PUS1: variants seen among roughly 807,000 people sequenced by gnomAD.
PUS1 encodes the protein pseudouridine synthase 1.
In PUS1, 25 loss-of-function variants were observed where a neutral mutation model predicts 38.5. The ratio of observed to expected loss-of-function variants is 0.65; its 90% CI spans 0.47 to 0.91. The LOEUF (loss-of-function observed/expected upper bound fraction) is 0.91, where lower values mean the gene tolerates loss of function less well. Ranked by LOEUF, PUS1 falls within the 40% of genes least tolerant of loss-of-function variation. PUS1 has a pLI of 0.00. For synonymous variants in PUS1, 282 were observed against 260.4 expected, an observed-to-expected ratio of 1.08 and a Z score of -0.80; for missense variants, 597 against 612.3, an observed-to-expected ratio of 0.97 and a Z score of 0.26.
intron 1 of PUS1, 37 bp downstream of exon 1, chr12:131,929,833 G>GGCCC: frequency 4.7e-6 from 4 of 853,644 alleles, no homozygotes; most frequent in Non-Finnish European, 6.8e-6. Context: ...CGCTATGCCC[G>GGCCC]CCCAGCCCAG....
rs1410743368 is a variant in PUS1, at chr12:131,941,139, G to A, written c.545-153G>A. 1.2e-5 allele frequency: 8 copies of A among 674,700 alleles called. No homozygotes were observed. The highest frequency in any genetic ancestry group is 2.1e-5 in the Non-Finnish European group (8 of 378,452). The allele number at this position is 674,700 out of a possible 1,614,324, so 41.8% of individuals were successfully genotyped here. A position where few individuals can be genotyped will look rare whatever the true frequency, so the allele number is the denominator to read the frequency against. ...CTCCTGTGCCTGTTCCCCAGCCTGT[G>A]GCTGCCCCCTCCCCAGAGAAGCCGA... On this transcript the variant is annotated intron_variant, in intron 4 of 5. Coordinates refer to ENST00000376649, the MANE Select transcript of PUS1 (RefSeq NM_025215.6). The surrounding 1 kb of genome is among the most constrained non-coding windows in gnomAD (Gnocchi z 4.4).
chr12:131,938,716 CTT>C lies in PUS1; in HGVS notation c.442-440_442-439del, dbSNP rs11289903. ...ATCTTTGGGAGTCATATTTTCATAT[CTT>C]TTTTTTTTTTTTTTTTCCTTTGAGG... On this transcript the variant is annotated intron_variant, in intron 3 of 5. Transcript: ENST00000376649. 9.9e-3 allele frequency among the ~76,000 whole-genome samples: 1,167 copies of C among 117,988 alleles called. 5 individuals are homozygous for C. Among genetic ancestry groups the C allele is most frequent in the Non-Finnish European group, 0.015 (845 of 57,816 alleles). 77.4% of individuals were successfully genotyped at this position (117,988 alleles called of 152,430 possible). A position where few individuals can be genotyped will look rare whatever the true frequency, so the allele number is the denominator to read the frequency against.
In PUS1 at chr12:131,941,991, C is replaced by T. The variant is rs746335112; in HGVS notation, c.1236+8C>T. ...GGTGGCACGGGCGCCAAGGTAGGGG[C>T]ACAGTCCCAGCAGTGCTCAGCAGAA... On this transcript the variant is annotated splice_region_variant and intron_variant, in intron 5 of 5. Transcript: ENST00000376649. This position sits in a 1 kb window ranked among gnomAD's most constrained non-coding sequence, Gnocchi z 4.4. The T allele has an allele frequency of 1.2e-6, 2 of 1,609,092 alleles. No individual in the cohort carries two copies. Among genetic ancestry groups the T allele is most frequent in the East Asian group, 4.5e-5 (2 of 44,628 alleles).
intron 3 of PUS1, among the ~76,000 whole-genome samples, chr12:131,937,178 G>A (rs181571569): frequency 2.1e-4 from 32 of 150,476 alleles, no homozygotes; most frequent in African/African-American, 7.8e-4. Context: ...CATCTCAACA[G>A]TTTATTTTAC....
chr12:131,943,426 G>T, intron 5 of PUS1, 113 bp from the exon 6 acceptor site: 2 of 845,762 alleles, frequency 2.4e-6, no homozygotes. Flanking sequence ...CTCCTGATGA[G>T]GGAGTGGTGG....
Position 131,941,259 on chromosome 12 carries a change from T to C in PUS1, c.545-33T>C, listed in dbSNP as rs752539941. On this transcript the variant is annotated intron_variant, in intron 4 of 5. Coordinates refer to ENST00000376649, the MANE Select transcript of PUS1 (RefSeq NM_025215.6). This position sits in a 1 kb window ranked among gnomAD's most constrained non-coding sequence, Gnocchi z 4.4. Reference sequence around the variant, plus strand: ...CCTGGTCATCCAGGCACTTCTCACCTGCCTTTCTCCTCCCTGACCACCTCC... The same window carrying C: ...CCTGGTCATCCAGGCACTTCTCACCCGCCTTTCTCCTCCCTGACCACCTCC... The C allele has an allele frequency of 2.5e-6, 4 of 1,597,630 alleles. No individual in the cohort carries two copies. In the Admixed American group the frequency reaches 5.0e-5, roughly 20 times the overall value.
chr12:131,930,053 A>ACGAGGAGCGGCG lies in PUS1; in HGVS notation c.226_237dup (p.Glu76_Glu79dup). Reference sequence around the variant, plus strand: ...GCGAAGAAGCTCAAGAGCGGTGGCGACGAGGAGCGGCGCGAGAAGCCGCCC... The same window carrying ACGAGGAGCGGCG: ...GCGAAGAAGCTCAAGAGCGGTGGCGACGAGGAGCGGCGCGAGGAGCGGCGCGAGAAGCCGCCC... On this transcript the variant is annotated inframe_insertion, in exon 2 of 6. Transcript: ENST00000376649. The ACGAGGAGCGGCG allele has an allele frequency of 2.8e-6, 4 of 1,446,144 alleles. No homozygotes were observed. Among genetic ancestry groups the ACGAGGAGCGGCG allele is most frequent in the Non-Finnish European group, 3.6e-6 (4 of 1,100,270 alleles). The allele number at this position is 1,446,144 out of a possible 1,614,324, so 89.6% of individuals were successfully genotyped here.
intron 1 of PUS1, 52 bp downstream of exon 1, chr12:131,929,848 C>T (rs757359685): frequency 1.4e-6 from 2 of 1,480,284 alleles, no homozygotes; most frequent in Non-Finnish European, 1.8e-6. Flanking sequence ...GCCCAGCCCA[C>T]CCCAGTCCAC....
In PUS1 at chr12:131,932,322, G is replaced by A. The variant is rs935218287; in HGVS notation, c.441+10G>A. 5.0e-6 allele frequency: 8 copies of A among 1,612,764 alleles called. No individual in the cohort carries two copies. The highest frequency in any genetic ancestry group is 5.9e-6 in the Non-Finnish European group (7 of 1,179,952). On this transcript the variant is annotated intron_variant, in intron 3 of 5. Transcript: ENST00000376649. Reference sequence around the variant, plus strand: ...CGCCCGGACAGACAAGGTGGGTGGTGGCCTTCTCTGCCCCTCCCCCGCTGC... The same window carrying A: ...CGCCCGGACAGACAAGGTGGGTGGTAGCCTTCTCTGCCCCTCCCCCGCTGC...
chr12:131,944,184 T>C lies in PUS1; in HGVS notation c.*598T>C, dbSNP rs576589957. The C allele has an allele frequency of 2.3e-3, 359 of 152,780 alleles. 1 individual carries two copies. The highest frequency in any genetic ancestry group is 4.2e-3 in the Non-Finnish European group (293 of 69,082). 9.5% of individuals were successfully genotyped at this position (152,780 alleles called of 1,614,324 possible). ...TCTGGAGAAGTCGAGGCTGCCCTGA[T>C]TGCCACTGCACTCAAAAAAAAAAAA... is the stretch of plus-strand genomic sequence containing the variant. On this transcript the variant is annotated 3_prime_UTR_variant, in exon 6 of 6. Transcript: ENST00000376649.
Position 131,932,865 on chromosome 12 carries a change from T to G in PUS1, c.441+553T>G, listed in dbSNP as rs111593623. 1,114 of 449,646 alleles carry G rather than the reference T, an allele frequency of 2.5e-3. 13 individuals carry two copies. Among genetic ancestry groups the G allele is most frequent in the African/African-American group, 0.019 (950 of 49,774 alleles). The allele number at this position is 449,646 out of a possible 1,614,324, so 27.9% of individuals were successfully genotyped here. A position where few individuals can be genotyped will look rare whatever the true frequency, so the allele number is the denominator to read the frequency against. ...GTATTAGTCTGTTGTCACACTGTTA[T>G]AAAGAACTGCTCAAGATTGGGCAGT... On this transcript the variant is annotated intron_variant, in intron 3 of 5. Coordinates refer to ENST00000376649, the MANE Select transcript of PUS1 (RefSeq NM_025215.6).
chr12:131,942,386 C>T (rs1891115250), intron 5 of PUS1, among the ~76,000 whole-genome samples: 1 of 151,384 alleles, frequency 6.6e-6, no homozygotes, highest in South Asian at 2.1e-4. Flanking sequence ...GAGATGTCCC[C>T]AAAGCCCGAG....
At chr12:131,940,946 A>C in intron 4 of PUS1, 1 of 299,346 alleles carries the variant, frequency 3.3e-6, no homozygotes, top group Non-Finnish European at 6.4e-6. Context: ...CCAGTCATGT[A>C]TAAAGATCAA....
At chr12:131,934,190 C>T (rs541821710) in intron 3 of PUS1, among the ~76,000 whole-genome samples, 9 of 152,306 alleles carry the variant, frequency 5.9e-5, no homozygotes, top group African/African-American at 2.4e-5. Context: ...GGACAAGGAG[C>T]GTGACCGTTG....
chr12:131,929,542 G>A lies in PUS1; in HGVS notation c.-181G>A. 1 of 532,650 alleles carries A rather than the reference G, an allele frequency of 1.9e-6. No homozygotes were observed. The highest frequency in any genetic ancestry group is 2.6e-5 in the South Asian group (1 of 38,538). The allele number at this position is 532,650 out of a possible 1,614,324, so 33.0% of individuals were successfully genotyped here. A position where few individuals can be genotyped will look rare whatever the true frequency, so the allele number is the denominator to read the frequency against. ...GAGTGAGGCTGGGGCGTCCAGGTCC[G>A]AGAGGTCAGGGGTCAGCTGGAGAGG... On this transcript the variant is annotated 5_prime_UTR_variant, in exon 1 of 6. Coordinates refer to ENST00000376649, the MANE Select transcript of PUS1 (RefSeq NM_025215.6).
chr12:131,941,400 A>G lies in PUS1; in HGVS notation c.653A>G (p.Gln218Arg). 1.9e-6 allele frequency: 3 copies of G among 1,614,210 alleles called. No individual in the cohort carries two copies. Among genetic ancestry groups the G allele is most frequent in the Non-Finnish European group, 2.5e-6 (3 of 1,180,034 alleles). ...FAFAHKDRDV[Q>R]DETYRLSAET... is the part of the protein sequence containing the mutation. ...TTTGCGCACAAGGACCGGGACGTTC[A>G]GGATGAGACCTACCGCCTGAGCGCC... Residue 218 changes from glutamine (Q) to arginine (R), a missense_variant, in exon 5 of 6, where the codon CAG (glutamine) becomes CGG (arginine). Gln to Arg is a conservative substitution (Grantham distance 43). Transcript: ENST00000376649. The surrounding 1 kb of genome is among the most constrained non-coding windows in gnomAD (Gnocchi z 4.4).
intron 5 of PUS1, 152 bp from the exon 6 acceptor site, chr12:131,943,387 G>C (rs1891173212): frequency 1.3e-6 from 1 of 751,864 alleles, no homozygotes; most frequent in Non-Finnish European, 2.4e-6. Context: ...CTGGTTAAGA[G>C]AATGACCGAG....
intron 3 of PUS1, among the ~76,000 whole-genome samples, chr12:131,936,658 G>C: frequency 6.6e-6 from 1 of 152,174 alleles, no homozygotes; most frequent in East Asian, 1.9e-4. Flanking sequence ...GGAGGCCAAA[G>C]TGGACGGATC....
At chr12:131,932,956 A>G (rs1346319752) in intron 3 of PUS1, 3 of 350,010 alleles carry the variant, frequency 8.6e-6, no homozygotes, top group South Asian at 2.1e-5. Flanking sequence ...GAAACAGATC[A>G]TGGCGGCAGG....
Sources: allele counts gnomAD v4.1 joint callset (sites outside exome capture counted in the v4.1 genomes callset), GRCh38; gene constraint gnomAD v4.1.1; non-coding constraint Gnocchi (gnomAD v3.1); transcripts MANE v1.5; gene names NCBI Gene and HGNC (gene_info 2026-07-23, HGNC 2026-07-21).